KIF5C: variants seen among roughly 807,000 people sequenced by gnomAD.
The protein encoded by KIF5C is kinesin family member 5C, also known as kinesin heavy chain isoform 5C.
Under a neutral mutation model 125.2 loss-of-function variants are expected in KIF5C, and 18 were observed. The ratio of observed to expected loss-of-function variants is 0.14; its 90% CI spans 0.10 to 0.21. KIF5C has a LOEUF of 0.21. Ranked by LOEUF, KIF5C falls within the 10% of genes least tolerant of loss-of-function variation. The pLI, the probability that KIF5C is intolerant of heterozygous loss-of-function variation, is 1.00. For missense variants in KIF5C, 780 were observed against 1,183.8 expected, an observed-to-expected ratio of 0.66 and a Z score of 5.01; for synonymous variants, 405 against 434.0, an observed-to-expected ratio of 0.93 and a Z score of 0.83.
chr2:149,016,640 A>G lies in KIF5C; in HGVS notation c.*7+4957A>G, dbSNP rs577787225. Among the ~76,000 whole-genome samples the G allele has an allele frequency of 1.6e-4, 24 of 152,318 alleles. No individual in the cohort carries two copies. The South Asian group carries it at 4.8e-3, about 30-fold the overall frequency. ...GGTTTTGTGGGAAAGCTTGGTTTCC[A>G]TCATGTTGCTTATGTGCTGCCTCTC... is the stretch of plus-strand genomic sequence containing the variant. On this transcript the variant is annotated intron_variant, in intron 25 of 25. Coordinates refer to ENST00000435030, the MANE Select transcript of KIF5C (RefSeq NM_004522.3).
Position 148,899,175 on chromosome 2 carries a change from C to T in KIF5C, c.127-22962C>T, listed in dbSNP as rs942859056. On this transcript the variant is annotated intron_variant, in intron 1 of 25. Coordinates refer to ENST00000435030, the MANE Select transcript of KIF5C (RefSeq NM_004522.3). ...TATATAGTTCTTTCGTCATCGAACA[C>T]CTTTTAATCTTATTTTTTTAAGAGT... 2.0e-5 allele frequency among the ~76,000 whole-genome samples: 3 copies of T among 152,068 alleles called. No individual in the cohort carries two copies. The East Asian group carries it at 5.8e-4, about 29-fold the overall frequency.
rs529899066 is a variant in KIF5C, at chr2:149,016,859, G to T, written c.*7+5176G>T. Among the ~76,000 whole-genome samples the T allele has an allele frequency of 9.4e-4, 143 of 152,214 alleles. No individual in the cohort carries two copies. In the South Asian group the frequency reaches 0.028, roughly 30 times the overall value. On this transcript the variant is annotated intron_variant, in intron 25 of 25. Coordinates refer to ENST00000435030, the MANE Select transcript of KIF5C (RefSeq NM_004522.3). Reference sequence around the variant, plus strand: ...GGCACAGCAGAGAGGGGAGCTGAGGGGCGAGTTGGACCAGGCCCAGGCACT... The same window carrying T: ...GGCACAGCAGAGAGGGGAGCTGAGGTGCGAGTTGGACCAGGCCCAGGCACT...
At chr2:148,949,423 AT>A (rs1188461706) in intron 8 of KIF5C, among the ~76,000 whole-genome samples, 3 of 152,168 alleles carry the variant, frequency 2.0e-5, no homozygotes, top group African/African-American at 7.2e-5. Context: ...CATTTTTCCA[AT>A]ATGCCCATTC....
chr2:148,995,948 A>T (rs58536559), intron 17 of KIF5C, among the ~76,000 whole-genome samples: 10,410 of 152,182 alleles, frequency 0.068, 541 homozygotes, highest in East Asian at 0.28. Flanking sequence ...CGAGGTCAGG[A>T]GTTCGAGACC....
chr2:148,888,612 C>T (rs1403772550), intron 1 of KIF5C: 1 of 152,092 alleles, frequency 6.6e-6, no homozygotes, highest in Admixed American at 6.5e-5. Flanking sequence ...AACCCCCACT[C>T]AGGTCTCTGT....
At chr2:148,891,309 C>T (rs570303821) in intron 1 of KIF5C, among the ~76,000 whole-genome samples, 7 of 152,040 alleles carry the variant, frequency 4.6e-5, no homozygotes, top group Non-Finnish European at 1.0e-4. Flanking sequence ...AGAAAAGGTG[C>T]TTTTCAACGT....
intron 1 of KIF5C, chr2:148,883,774 A>G (rs1359623548): frequency 6.6e-6 from 1 of 151,958 alleles, no homozygotes; most frequent in Non-Finnish European, 1.5e-5. Flanking sequence ...CTACTGATGG[A>G]CCTTTGTTTT....
chr2:148,952,824 C>T (rs572974316), intron 10 of KIF5C, among the ~76,000 whole-genome samples: 2 of 152,306 alleles, frequency 1.3e-5, no homozygotes, highest in South Asian at 4.1e-4. Context: ...TGACCGATGG[C>T]AGGCTATCGG....
chr2:148,882,234 T>C (rs1272579110), intron 1 of KIF5C, among the ~76,000 whole-genome samples: 1 of 152,196 alleles, frequency 6.6e-6, no homozygotes, highest in Non-Finnish European at 1.5e-5. Context: ...TGTGAGAACT[T>C]GGGCAAATTC....
At chr2:148,990,689 G>A (rs964893253) in intron 15 of KIF5C, among the ~76,000 whole-genome samples, 6 of 152,120 alleles carry the variant, frequency 3.9e-5, no homozygotes, top group African/African-American at 1.4e-4. Flanking sequence ...GACATTGAAT[G>A]GAATACCTTT....
Position 148,875,585 on chromosome 2 carries a change from C to CCA in KIF5C, c.-33_-32insCA. The CCA allele has an allele frequency of 2.9e-6, 3 of 1,023,188 alleles. No individual in the cohort carries two copies. Among genetic ancestry groups the CCA allele is most frequent in the Non-Finnish European group, 4.4e-6 (3 of 682,292 alleles). 63.4% of individuals were successfully genotyped at this position (1,023,188 alleles called of 1,614,324 possible). On this transcript the variant is annotated 5_prime_UTR_variant, in exon 1 of 26. Coordinates refer to ENST00000435030, the MANE Select transcript of KIF5C (RefSeq NM_004522.3). The stretch of plus-strand genomic sequence containing the variant: ...TCGTTCCCGGCCCCGGCCCCCCACC[C>CCA]ATCCCCGTGCCCCCTCCCTACCGCC...
At chr2:148,914,032 G>T (rs1681447308) in intron 1 of KIF5C, among the ~76,000 whole-genome samples, 1 of 152,170 alleles carries the variant, frequency 6.6e-6, no homozygotes, top group East Asian at 1.9e-4. Flanking sequence ...CCATTCTGAC[G>T]GGAAATCACA....
chr2:149,004,909 G>A (rs116518888), intron 21 of KIF5C, among the ~76,000 whole-genome samples: 2 of 152,214 alleles, frequency 1.3e-5, no homozygotes, highest in Non-Finnish European at 1.5e-5. Flanking sequence ...CTTAAAACAA[G>A]CAAGTGTGTG....
chr2:148,961,897 T>A, intron 10 of KIF5C, 74 bp from the exon 11 acceptor site: 1 of 1,529,250 alleles, frequency 6.5e-7, no homozygotes, highest in African/African-American at 1.4e-5. Flanking sequence ...ACATGAGGAA[T>A]CTTGGGCTTA....
chr2:148,987,851 T>C (rs867461602), intron 15 of KIF5C, among the ~76,000 whole-genome samples: 1 of 152,182 alleles, frequency 6.6e-6, no homozygotes, highest in African/African-American at 2.4e-5. Flanking sequence ...CATTCTAACT[T>C]TTATGACTTT....
chr2:148,929,160 TATATC>T, intron 2 of KIF5C, 116 bp from the exon 3 acceptor site: 1 of 618,794 alleles, frequency 1.6e-6, no homozygotes, highest in Middle Eastern at 2.7e-4. Context: ...GGAGTTGAAA[TATATC>T]ATTTGTATGA....
intron 4 of KIF5C, 119 bp downstream of exon 4, chr2:148,937,507 G>A (rs763044028): frequency 4.0e-5 from 55 of 1,373,020 alleles, no homozygotes; most frequent in Non-Finnish European, 5.0e-5. Flanking sequence ...CATTCTTGTG[G>A]TAAGCAGAGC....
intron 10 of KIF5C, among the ~76,000 whole-genome samples, chr2:148,955,693 G>T (rs1467742092): frequency 6.6e-6 from 1 of 151,430 alleles, no homozygotes; most frequent in East Asian, 1.9e-4. Flanking sequence ...TCTCCTATTG[G>T]TTCTGTTTCT....
chr2:148,925,020 T>C (rs542676387), intron 2 of KIF5C, among the ~76,000 whole-genome samples: 1 of 152,272 alleles, frequency 6.6e-6, no homozygotes, highest in South Asian at 2.1e-4. Flanking sequence ...ATAGGCATTA[T>C]GTACTTTAGA....
Sources: gnomAD v4.1 joint callset for allele counts (sites outside exome capture counted in the v4.1 genomes callset) on GRCh38, gnomAD v4.1.1 for gene constraint, MANE v1.5 for transcripts, NCBI Gene and HGNC (gene_info 2026-07-23, HGNC 2026-07-21) for gene names.